Variants in HMGA1 observed in about 807,000 individuals in gnomAD.
HMGA1 encodes the protein high mobility group protein HMG-I/HMG-Y.
Under a neutral mutation model 15.1 loss-of-function variants are expected in HMGA1, and 1 was observed. The observed-to-expected ratio is 0.07, with a 90% CI of 0.02 to 0.31. The LOEUF (loss-of-function observed/expected upper bound fraction) is 0.31. Ranked by LOEUF, HMGA1 falls within the 10% of genes least tolerant of loss-of-function variation. The pLI, the probability that HMGA1 is intolerant of heterozygous loss-of-function variation, is 1.00. For missense variants in HMGA1, 94 were observed against 141.4 expected, an observed-to-expected ratio of 0.66 and a Z score of 1.70; for synonymous variants, 56 against 54.8, an observed-to-expected ratio of 1.02 and a Z score of -0.10.
intron 2 of HMGA1, among the ~76,000 whole-genome samples, chr6:34,238,107 CCCCGCG>C (rs1226488924): frequency 6.6e-6 from 1 of 152,186 alleles, no homozygotes; most frequent in Non-Finnish European, 1.5e-5. Flanking sequence ...TCTTCCTCTC[CCCCGCG>C]CCCGCGCGCG....
At chr6:34,237,482 G>C (rs923816606) in intron 2 of HMGA1, among the ~76,000 whole-genome samples, 165 bp downstream of exon 2, 2 of 144,434 alleles carry the variant, frequency 1.4e-5, no homozygotes, top group Non-Finnish European at 3.1e-5. Context: ...GCCGCGCGGC[G>C]CGGGGGCGGG....
intron 4 of HMGA1, 40 bp from the exon 5 acceptor site, chr6:34,243,428 A>G (rs2127545458): frequency 1.3e-6 from 2 of 1,527,694 alleles, no homozygotes; most frequent in Non-Finnish European, 1.8e-6. Context: ...AGCACTGATG[A>G]GCATTTTGGA....
intron 2 of HMGA1, among the ~76,000 whole-genome samples, chr6:34,239,717 C>T (rs758519125): frequency 6.6e-6 from 1 of 152,062 alleles, no homozygotes; most frequent in African/African-American, 2.4e-5. Context: ...GAGGACTGTC[C>T]TTTTTAAGCC....
At chr6:34,239,266 TTC>T (rs1191504938) in intron 2 of HMGA1, among the ~76,000 whole-genome samples, 2 of 150,396 alleles carry the variant, frequency 1.3e-5, no homozygotes, top group Non-Finnish European at 2.9e-5. Flanking sequence ...ACTCTTTTTC[TTC>T]TTTTTTTTTT....
Position 34,244,910 on chromosome 6 carries a change from T to C in HMGA1, c.*26T>C, listed in dbSNP as rs1014079471. ...CCCATGCGTGCCGCCTGCTCCTCAC[T>C]GGAGGAGCAGCTTCCTTCTGGGACT... On this transcript the variant is annotated 3_prime_UTR_variant, in exon 6 of 6. Transcript: ENST00000311487. 5.2e-6 allele frequency: 8 copies of C among 1,547,586 alleles called. No individual in the cohort carries two copies. The African/African-American group carries it at 9.6e-5, about 19-fold the overall frequency.
intron 2 of HMGA1, among the ~76,000 whole-genome samples, chr6:34,238,084 A>C (rs1406663230): frequency 6.6e-6 from 1 of 151,942 alleles, no homozygotes. Flanking sequence ...GAGGGGACGG[A>C]GGGAGGGGGC....
intron 4 of HMGA1, among the ~76,000 whole-genome samples, chr6:34,243,155 C>CA (rs1561875217): frequency 6.6e-6 from 1 of 152,142 alleles, no homozygotes; most frequent in Non-Finnish European, 1.5e-5. Flanking sequence ...GGGGTGGGGA[C>CA]AGGCAGCAAA....
chr6:34,238,254 TC>T (rs1554142165), intron 2 of HMGA1, among the ~76,000 whole-genome samples: 1 of 151,330 alleles, frequency 6.6e-6, no homozygotes, highest in Non-Finnish European at 1.5e-5. Flanking sequence ...CCTGCGCCCC[TC>T]CCCCCGCGCG....
chr6:34,245,469 C>T lies in HMGA1; in HGVS notation c.*585C>T, dbSNP rs991957499. The T allele has an allele frequency of 5.1e-6, 7 of 1,378,676 alleles. No individual in the cohort carries two copies. The African/African-American group carries it at 8.6e-5, about 17-fold the overall frequency. The allele number at this position is 1,378,676 out of a possible 1,614,324, so 85.4% of individuals were successfully genotyped here. A position where few individuals can be genotyped will look rare whatever the true frequency, so the allele number is the denominator to read the frequency against. ...TCACCACGTGGGGCTCACTTTTCAT[C>T]CTTCCCCAACTTCCCTAGTCCCCGT... is the stretch of plus-strand genomic sequence containing the variant. On this transcript the variant is annotated 3_prime_UTR_variant, in exon 6 of 6. Transcript: ENST00000311487.
In HMGA1 at chr6:34,240,743, A is replaced by C. The variant is rs1347406849; in HGVS notation, c.-38A>C. 1 of 1,611,622 alleles carries C rather than the reference A, an allele frequency of 6.2e-7. No individual in the cohort carries two copies. The highest frequency in any genetic ancestry group is 1.7e-5 in the Admixed American group (1 of 60,008). ...GCACTTTTCTGTCTCCCAGCATCCC[A>C]GCCATCACTCTTCCACCTGCTCCTT... On this transcript the variant is annotated 5_prime_UTR_variant, in exon 3 of 6. Transcript: ENST00000311487.
In HMGA1 at chr6:34,246,095, C is replaced by T. The variant is rs1193429112; in HGVS notation, c.*1211C>T. The T allele has an allele frequency of 3.3e-5, 8 of 240,128 alleles. No individual in the cohort carries two copies. The highest frequency in any genetic ancestry group is 1.3e-4 in the South Asian group (1 of 7,928). The allele number at this position is 240,128 out of a possible 1,614,324, so 14.9% of individuals were successfully genotyped here. A position where few individuals can be genotyped will look rare whatever the true frequency, so the allele number is the denominator to read the frequency against. Reference sequence around the variant, plus strand: ...GCAGAGTGAGCAAGGGGGCCCAAATCGACCATAAAGGGTGTAGGGGCCACC... The same window carrying T: ...GCAGAGTGAGCAAGGGGGCCCAAATTGACCATAAAGGGTGTAGGGGCCACC... On this transcript the variant is annotated 3_prime_UTR_variant, in exon 6 of 6. Coordinates refer to ENST00000311487, the MANE Select transcript of HMGA1 (RefSeq NM_145899.3).
rs769792048 is a variant in HMGA1 at position 34,240,896 on chromosome 6, C to T, written c.116C>T (p.Thr39Ile). ...AAGCAGCCTCCGGTGAGTCCCGGGA[C>T]AGCGCTGGTAGGGAGTCAGGTGGGT... is the stretch of plus-strand genomic sequence containing the variant. Reference protein sequence around the residue: ...PRKQPPVSPGTALVGSQKEPS... With the variant: ...PRKQPPVSPGIALVGSQKEPS... Residue 39 changes from threonine (T) to isoleucine (I), a missense_variant, in exon 3 of 6, where the codon ACA becomes ATA. Thr to Ile is a moderately conservative substitution (Grantham distance 89). Transcript: ENST00000311487. The T allele has an allele frequency of 2.5e-6, 4 of 1,613,564 alleles. No individual in the cohort carries two copies. The highest frequency in any genetic ancestry group is 4.5e-5 in the East Asian group (2 of 44,856).
chr6:34,240,680 G>T, intron 2 of HMGA1, 57 bp from the exon 3 acceptor site: 1 of 1,356,988 alleles, frequency 7.4e-7, no homozygotes, highest in Non-Finnish European at 1.0e-6. Flanking sequence ...GGGTGATGAG[G>T]GGGTAGAAAG....
At chr6:34,240,438 G>A (rs997951960) in intron 2 of HMGA1, among the ~76,000 whole-genome samples, 1 of 152,158 alleles carries the variant, frequency 6.6e-6, no homozygotes, top group African/African-American at 2.4e-5. Flanking sequence ...AGCTAGGTCT[G>A]GGCTGGCTGT....
At chr6:34,237,638 G>T (rs1023702381) in intron 2 of HMGA1, among the ~76,000 whole-genome samples, 32 of 147,788 alleles carry the variant, frequency 2.2e-4, no homozygotes, top group Middle Eastern at 3.5e-3. Flanking sequence ...ACCCGGCGGA[G>T]CCCGGAGGAG....
chr6:34,239,422 C>T (rs1344246597), intron 2 of HMGA1, among the ~76,000 whole-genome samples: 11 of 152,086 alleles, frequency 7.2e-5, no homozygotes, highest in Non-Finnish European at 5.9e-5. Flanking sequence ...AAATCATTTT[C>T]AAATGGTCTA....
intron 2 of HMGA1, among the ~76,000 whole-genome samples, chr6:34,237,837 A>G (rs1761930438): frequency 6.6e-6 from 1 of 151,602 alleles, no homozygotes; most frequent in Non-Finnish European, 1.5e-5. Context: ...ATTCGGCCCT[A>G]CGCCCTCTCG....
At chr6:34,244,122 G>C (rs1762524342) in intron 5 of HMGA1, among the ~76,000 whole-genome samples, 1 of 147,568 alleles carries the variant, frequency 6.8e-6, no homozygotes, top group African/African-American at 2.5e-5. Context: ...CCCCCAGCCT[G>C]CCCCCTCAAA....
At chr6:34,238,469 A>G (rs1375726374) in intron 2 of HMGA1, among the ~76,000 whole-genome samples, 2 of 152,202 alleles carry the variant, frequency 1.3e-5, no homozygotes, top group Non-Finnish European at 2.9e-5. Flanking sequence ...AGGCAACTCA[A>G]GGCTTCTCTG....
Sources: allele counts gnomAD v4.1 joint callset (sites outside exome capture counted in the v4.1 genomes callset), GRCh38; gene constraint gnomAD v4.1.1; transcripts MANE v1.5; gene names NCBI Gene and HGNC (gene_info 2026-07-23, HGNC 2026-07-21).